Variants in USP7 observed in about 807,000 individuals in gnomAD.
USP7 encodes the protein ubiquitin specific peptidase 7.
USP7 carries 9 observed loss-of-function variants against 162.9 expected under a neutral mutation model. The ratio of observed to expected loss-of-function variants is 0.06; its 90% CI spans 0.03 to 0.10. The LOEUF (loss-of-function observed/expected upper bound fraction) is 0.10, where lower values mean the gene tolerates loss of function less well. Ranked by LOEUF, USP7 falls within the 10% of genes least tolerant of loss-of-function variation. The pLI, the probability that USP7 is intolerant of heterozygous loss-of-function variation, is 1.00. For synonymous variants in USP7, 562 were observed against 475.9 expected (o/e 1.18, Z -2.35); for missense variants, 715 against 1,373.7 (o/e 0.52, Z 7.58).
chr16:8,894,210 A>T, intron 30 of USP7, 106 bp from the exon 31 acceptor site: 2 of 1,066,866 alleles, frequency 1.9e-6, no homozygotes, highest in Non-Finnish European at 2.9e-6. Context: ...CCAAGGGGTA[A>T]GTTCGCAGGG....
At chr16:8,923,738 G>C (rs1201182308) in intron 2 of USP7, among the ~76,000 whole-genome samples, 3 of 151,946 alleles carry the variant, frequency 2.0e-5, no homozygotes, top group African/African-American at 7.2e-5. Context: ...TGAGTGGAGA[G>C]ACCTTGGAGA....
chr16:8,927,461 G>T (rs528213918), intron 2 of USP7, among the ~76,000 whole-genome samples: 1 of 152,090 alleles, frequency 6.6e-6, no homozygotes, highest in Non-Finnish European at 1.5e-5. Context: ...ACAACTTCTT[G>T]CAAGTCCTAG....
intron 1 of USP7, among the ~76,000 whole-genome samples, chr16:8,958,810 G>A (rs2141268851): frequency 6.6e-6 from 1 of 152,314 alleles, no homozygotes; most frequent in Admixed American, 6.5e-5. Context: ...ATCATACAGT[G>A]AATCATTCTC....
intron 1 of USP7, among the ~76,000 whole-genome samples, chr16:8,946,326 A>G (rs1313085749): frequency 3.3e-5 from 5 of 152,310 alleles, no homozygotes; most frequent in Admixed American, 3.3e-4. Flanking sequence ...TAAGCCGGTA[A>G]TCCCAGCACT....
At position 8,954,381 on chromosome 16, in the gene USP7, G is replaced by C. The variant is rs557892301; in HGVS notation, c.79+8826C>G. ...ACATCCAAACGTGTTCAGTGGGCTC[G>C]CTCATCTCTCTAAACAGAGCATGAG... On this transcript the variant is annotated intron_variant, in intron 1 of 30. Coordinates refer to ENST00000344836, the MANE Select transcript of USP7 (RefSeq NM_003470.3). Among the ~76,000 whole-genome samples, 7 of 152,294 alleles carry C rather than the reference G, an allele frequency of 4.6e-5. No homozygotes were observed. The East Asian group carries it at 1.2e-3, about 25-fold the overall frequency.
At position 8,917,106 on chromosome 16, in the gene USP7, A is replaced by C. The variant is rs1596374378; in HGVS notation, c.771T>G (p.Pro257=). 6.2e-7 allele frequency: 1 copy of C among 1,613,722 alleles called. No homozygotes were observed. The highest frequency in any genetic ancestry group is 1.1e-5 in the South Asian group (1 of 90,912). Residue 257 remains proline, a synonymous_variant, in exon 7 of 31, where the codon CCT becomes CCG. Transcript: ENST00000344836. ...TEGDDSSKSV[P]LALQRVFYEL... ...CATAGAACACTCTTTGTAATGCTAA[A>C]GGGACGCTTTTAGACGAATCATCCC...
At chr16:8,899,530 C>T in intron 22 of USP7, 74 bp downstream of exon 22, 1 of 1,568,232 alleles carries the variant, frequency 6.4e-7, no homozygotes, top group Non-Finnish European at 8.7e-7. Flanking sequence ...ATAGCTTCTT[C>T]AACAAGCATT....
rs768120894 is a variant in USP7 at position 8,906,398 on chromosome 16, G to A, written c.1428+28C>T. ...CTTGTGTTAACTTTCTGATGAGCTT[G>A]CATTCAGCCCTGGGTCCCACCACTT... On this transcript the variant is annotated intron_variant, in intron 13 of 30. Coordinates refer to ENST00000344836, the MANE Select transcript of USP7 (RefSeq NM_003470.3). The A allele has an allele frequency of 1.0e-5, 16 of 1,601,068 alleles. No individual in the cohort carries two copies. The South Asian group carries it at 1.2e-4, about 12-fold the overall frequency.
intron 26 of USP7, among the ~76,000 whole-genome samples, chr16:8,896,572 C>T (rs566483667): frequency 1.3e-5 from 2 of 152,258 alleles, no homozygotes; most frequent in African/African-American, 4.8e-5. Context: ...CTAGATGGAA[C>T]AGAAGTGACT....
intron 2 of USP7, among the ~76,000 whole-genome samples, chr16:8,929,895 C>G (rs1898222815): frequency 6.6e-6 from 1 of 152,168 alleles, no homozygotes; most frequent in Non-Finnish European, 1.5e-5. Flanking sequence ...CTATCATCAA[C>G]TGATATACAC....
intron 18 of USP7, 23 bp downstream of exon 18, chr16:8,902,059 G>A: frequency 6.3e-7 from 1 of 1,588,270 alleles, no homozygotes; most frequent in African/African-American, 1.3e-5. Context: ...CTAAGTGCAG[G>A]CAGGCGTCTC....
chr16:8,961,463 G>C (rs1216366320), intron 1 of USP7, among the ~76,000 whole-genome samples: 6 of 122,372 alleles, frequency 4.9e-5, no homozygotes, highest in Non-Finnish European at 9.7e-5. Flanking sequence ...CTGCACTCCA[G>C]CCTGGGCAAC....
rs1363810587 is a variant in USP7, at chr16:8,905,236, T to C, written c.1524A>G (p.Arg508=). ...CTAACATGTAAGCATTAGTGCAGTG[T>C]CGAACAGACAGGTCGTCATCGTGAC... ...YGGHDDDLSV[R]HCTNAYMLVY... Residue 508 remains arginine (R), a synonymous_variant, in exon 14 of 31, where the codon CGA becomes CGG. Coordinates refer to ENST00000344836, the MANE Select transcript of USP7 (RefSeq NM_003470.3). 2 of 1,614,220 alleles carry C rather than the reference T, an allele frequency of 1.2e-6. No individual in the cohort carries two copies. The highest frequency in any genetic ancestry group is 1.7e-6 in the Non-Finnish European group (2 of 1,180,038).
Position 8,920,380 on chromosome 16 carries a change from G to C in USP7, c.590C>G (p.Ala197Gly). 1.9e-6 allele frequency: 3 copies of C among 1,612,772 alleles called. No homozygotes were observed. Among genetic ancestry groups the C allele is most frequent in the Non-Finnish European group, 2.5e-6 (3 of 1,179,690 alleles). The change falls in exon 5 of 31, where the codon GCG (alanine) becomes GGG (glycine). Residue 197 changes from alanine to glycine, a missense_variant. Physicochemically the swap from Ala to Gly is moderately conservative, Grantham distance 60. This residue lies in a region of USP7 where 30 missense variants were observed against 27.6 expected (regional missense o/e 1.09). Transcript: ENST00000344836. ...DKVTFEVFVQ[A>G]DAPHGVAWDS... ...TTACGCAACTCCATGGGGAGCATCC[G>C]CCTGTACAAAGACTTCAAAGGTAAC...
At chr16:8,895,316 A>G (rs564767713) in intron 27 of USP7, among the ~76,000 whole-genome samples, 166 bp from the exon 28 acceptor site, 30 of 152,342 alleles carry the variant, frequency 2.0e-4, no homozygotes, top group African/African-American at 7.2e-4. Context: ...TGGGAGTCTC[A>G]GCCAGAAGAT....
intron 1 of USP7, among the ~76,000 whole-genome samples, chr16:8,942,618 G>T (rs1452920840): frequency 6.6e-6 from 1 of 152,158 alleles, no homozygotes; most frequent in Non-Finnish European, 1.5e-5. Flanking sequence ...TGCCACCATG[G>T]CTCACTGCAG....
At chr16:8,930,232 T>A in intron 2 of USP7, 61 bp downstream of exon 2, 1 of 1,343,132 alleles carries the variant, frequency 7.4e-7, no homozygotes, top group African/African-American at 1.5e-5. Flanking sequence ...CAAGCATGGA[T>A]CTGAACCTGT....
At chr16:8,930,218 G>A in intron 2 of USP7, 75 bp downstream of exon 2, 3 of 1,166,924 alleles carry the variant, frequency 2.6e-6, no homozygotes, top group South Asian at 1.4e-5. Context: ...TACCCAAGAA[G>A]TACCAAGCAT....
rs1051234289 is a variant in USP7, at chr16:8,957,548, A to G, written c.79+5659T>C. Among the ~76,000 whole-genome samples, 3 of 151,784 alleles carry G rather than the reference A, an allele frequency of 2.0e-5. No homozygotes were observed. In the South Asian group the frequency reaches 6.3e-4, roughly 32 times the overall value. On this transcript the variant is annotated intron_variant, in intron 1 of 30. Transcript: ENST00000344836. The stretch of plus-strand genomic sequence containing the variant: ...TGCTTGAGACCAGGAATTCCACACC[A>G]GCCTGAACATAGCAAGACCCCATCT...
Sources: allele counts gnomAD v4.1 joint callset (sites outside exome capture counted in the v4.1 genomes callset), GRCh38; gene constraint gnomAD v4.1.1; regional missense constraint gnomAD v4.1.1; transcripts MANE v1.5; gene names NCBI Gene and HGNC (gene_info 2026-07-23, HGNC 2026-07-21).